Variants in MBTD1 observed in about 807,000 individuals in gnomAD.
MBTD1 encodes the protein MBT domain-containing protein 1.
MBTD1 carries 24 observed loss-of-function variants against 87.8 expected under a neutral mutation model. That is an observed-to-expected ratio of 0.27 (90% confidence interval 0.20 to 0.38). The LOEUF (loss-of-function observed/expected upper bound fraction) is 0.38. MBTD1 is among the 10% of genes least tolerant of loss of function. MBTD1 has a pLI of 1.00. For synonymous variants in MBTD1, 237 were observed against 248.6 expected (o/e 0.95, Z 0.44); for missense variants, 436 against 760.2 (o/e 0.57, Z 5.02).
intron 16 of MBTD1, among the ~76,000 whole-genome samples, chr17:51,181,782 GTTC>G (rs1435671647): frequency 1.3e-5 from 2 of 152,204 alleles, no homozygotes; most frequent in African/African-American, 2.4e-5. Context: ...GCCTGCCTGA[GTTC>G]TTATCTGATG....
chr17:51,224,131 T>G (rs1445526999), intron 3 of MBTD1, among the ~76,000 whole-genome samples: 1 of 152,174 alleles, frequency 6.6e-6, no homozygotes, highest in Admixed American at 6.5e-5. Flanking sequence ...TTCCCACATT[T>G]CCAGGATGTG....
intron 14 of MBTD1, 61 bp downstream of exon 14, chr17:51,193,367 T>C (rs1384808002): frequency 2.6e-6 from 3 of 1,133,726 alleles, no homozygotes; most frequent in Non-Finnish European, 2.6e-6. Flanking sequence ...TTTATGAACA[T>C]AAATTGTATT....
intron 16 of MBTD1, among the ~76,000 whole-genome samples, chr17:51,190,159 G>A (rs906386305): frequency 6.6e-6 from 1 of 152,214 alleles, no homozygotes; most frequent in Non-Finnish European, 1.5e-5. Context: ...TGCCACTTCA[G>A]TCTCTAGGTT....
chr17:51,251,562 C>T (rs1269404149), intron 2 of MBTD1: 1 of 152,168 alleles, frequency 6.6e-6, no homozygotes, highest in Non-Finnish European at 1.5e-5. Context: ...CTAAAGCTTT[C>T]ACACTCCCAT....
intron 16 of MBTD1, chr17:51,184,834 A>C (rs533803861): frequency 1.3e-5 from 2 of 152,202 alleles, no homozygotes; most frequent in East Asian, 3.9e-4. Flanking sequence ...AAACTTAGAC[A>C]AGAAAGGAAA....
At chr17:51,191,513 A>T (rs967956800) in intron 16 of MBTD1, 1 of 152,052 alleles carries the variant, frequency 6.6e-6, no homozygotes, top group Non-Finnish European at 1.5e-5. Flanking sequence ...ATCACTCTAG[A>T]AAGTTTTGCT....
In MBTD1 at chr17:51,193,314, A is replaced by G. The variant is rs1478127056; in HGVS notation, c.1455+114T>C. On this transcript the variant is annotated intron_variant, in intron 14 of 16. Coordinates refer to ENST00000586178, the MANE Select transcript of MBTD1 (RefSeq NM_017643.3). ...TTGTTTCATTGCTATATTTGTTTAT[A>G]TTATATCTCCACTAAGAAATTCTAA... 1.0e-5 allele frequency: 7 copies of G among 698,738 alleles called. No homozygotes were observed. The African/African-American group carries it at 1.1e-4, about 11-fold the overall frequency. The allele number at this position is 698,738 out of a possible 1,614,324, so 43.3% of individuals were successfully genotyped here.
chr17:51,230,809 A>G (rs933398400), intron 2 of MBTD1, among the ~76,000 whole-genome samples: 1 of 152,162 alleles, frequency 6.6e-6, no homozygotes, highest in Non-Finnish European at 1.5e-5. Flanking sequence ...TTTTTCCTGG[A>G]GGCAATGGGA....
Position 51,195,353 on chromosome 17 carries a change from A to G in MBTD1, c.1233T>C (p.Ala411=), listed in dbSNP as rs149832999. 4.9e-4 allele frequency: 781 copies of G among 1,595,322 alleles called. No homozygotes were observed. The highest frequency in any genetic ancestry group is 6.4e-4 in the Non-Finnish European group (749 of 1,171,524). The change falls in exon 13 of 17, where the codon GCT becomes GCC. Residue 411 remains alanine, a synonymous_variant. Coordinates refer to ENST00000586178, the MANE Select transcript of MBTD1 (RefSeq NM_017643.3). ...ICVATIRKVL[A]DGFLMIGIDG... ...CGATCCCAATCATCAGGAATCCGTCAGCTAGCACCTTTTCAATGAAGAGAA... is the reference window on the plus strand; with the variant it reads ...CGATCCCAATCATCAGGAATCCGTCGGCTAGCACCTTTTCAATGAAGAGAA...
upstream of MBTD1, chr17:51,260,438 AGAGG>A: frequency 3.6e-6 from 3 of 841,178 alleles, no homozygotes; most frequent in Non-Finnish European, 5.4e-6. Flanking sequence ...GGAGTTACGT[AGAGG>A]GAGGGAGTGC....
intron 6 of MBTD1, among the ~76,000 whole-genome samples, chr17:51,212,275 T>C (rs2052277399): frequency 6.6e-6 from 1 of 151,676 alleles, no homozygotes; most frequent in Non-Finnish European, 1.5e-5. Context: ...AGAGAATTGA[T>C]TGAACCCGGG....
chr17:51,189,206 G>A (rs1372759426), intron 16 of MBTD1, among the ~76,000 whole-genome samples: 1 of 152,056 alleles, frequency 6.6e-6, no homozygotes, highest in Non-Finnish European at 1.5e-5. Flanking sequence ...GTTACATAAT[G>A]TATGTTACAC....
chr17:51,260,869 C>T (rs770888234), upstream of MBTD1: 12 of 1,601,914 alleles, frequency 7.5e-6, no homozygotes, highest in East Asian at 2.7e-4. Flanking sequence ...AGGAGCTGGT[C>T]TTCGGCGACG....
intron 2 of MBTD1, among the ~76,000 whole-genome samples, chr17:51,229,266 AC>A (rs1226712301): frequency 2.0e-4 from 31 of 152,074 alleles, no homozygotes; most frequent in Non-Finnish European, 4.1e-4. Flanking sequence ...GAGATTTGGC[AC>A]CTATCCTTTT....
chr17:51,260,498 G>T, upstream of MBTD1: 2 of 1,425,190 alleles, frequency 1.4e-6, no homozygotes, highest in Non-Finnish European at 1.9e-6. Flanking sequence ...GGCCCCCGGG[G>T]CTTCGGCGGC....
At chr17:51,223,516 A>T (rs1054833565) in intron 3 of MBTD1, among the ~76,000 whole-genome samples, 1 of 151,724 alleles carries the variant, frequency 6.6e-6, no homozygotes, top group Non-Finnish European at 1.5e-5. Flanking sequence ...CAGCCTGGGT[A>T]ATACAGCAAG....
intron 3 of MBTD1, among the ~76,000 whole-genome samples, chr17:51,223,622 G>A (rs1383154879): frequency 6.6e-6 from 1 of 152,112 alleles, no homozygotes; most frequent in African/African-American, 2.4e-5. Flanking sequence ...GATTGCTTAA[G>A]GTCAGGAGTT....
chr17:51,259,971 G>A lies in MBTD1; in HGVS notation c.-249C>T, dbSNP rs1013376297. 6 of 934,116 alleles carry A rather than the reference G, an allele frequency of 6.4e-6. No individual in the cohort carries two copies. The highest frequency in any genetic ancestry group is 8.4e-6 in the Non-Finnish European group (6 of 716,288). The allele number at this position is 934,116 out of a possible 1,614,324, so 57.9% of individuals were successfully genotyped here. A position where few individuals can be genotyped will look rare whatever the true frequency, so the allele number is the denominator to read the frequency against. On this transcript the variant is annotated 5_prime_UTR_variant, in exon 1 of 17. Transcript: ENST00000586178. Reference sequence around the variant, plus strand: ...GGCGACTACAGGGGGCCCCCGGCTGGGCCCAGACCGGTGGCGGGTGCAGCA... The same window carrying A: ...GGCGACTACAGGGGGCCCCCGGCTGAGCCCAGACCGGTGGCGGGTGCAGCA...
intron 7 of MBTD1, among the ~76,000 whole-genome samples, chr17:51,204,496 A>ATT (rs975972939): frequency 2.8e-4 from 32 of 113,778 alleles, no homozygotes; most frequent in East Asian, 6.2e-4. Flanking sequence ...ATTATATATA[A>ATT]TTATATATAT....
Sources: allele counts gnomAD v4.1 joint callset (sites outside exome capture counted in the v4.1 genomes callset), GRCh38; gene constraint gnomAD v4.1.1; transcripts MANE v1.5; gene names NCBI Gene and HGNC (gene_info 2026-07-23, HGNC 2026-07-21).